Variants in TGS1 observed in about 807,000 individuals in gnomAD.
TGS1 encodes the protein trimethylguanosine synthase 1, also known as trimethylguanosine synthase.
In TGS1, 69 loss-of-function variants were observed where a neutral mutation model predicts 92.2. The observed-to-expected ratio is 0.75, with a 90% CI of 0.62 to 0.91. The LOEUF (loss-of-function observed/expected upper bound fraction) is 0.91. Ranked by LOEUF, TGS1 falls within the 40% of genes least tolerant of loss-of-function variation. The probability of loss-of-function intolerance (pLI) is 0.00; values close to 1 mark genes in which losing one functional copy is unlikely to be tolerated. For missense variants in TGS1, 1,062 were observed against 1,001.2 expected, an observed-to-expected ratio of 1.06 and a Z score of -0.82; for synonymous variants, 345 against 338.1, an observed-to-expected ratio of 1.02 and a Z score of -0.22.
chr8:55,774,885 G>A (rs1811342687), intron 1 of TGS1, among the ~76,000 whole-genome samples: 1 of 152,206 alleles, frequency 6.6e-6, no homozygotes, highest in Admixed American at 6.5e-5. Context: ...TTCAGTGGGA[G>A]AAAGCGTTCT....
intron 10 of TGS1, among the ~76,000 whole-genome samples, chr8:55,806,795 CA>C (rs1812384780): frequency 6.6e-6 from 1 of 152,108 alleles, no homozygotes; most frequent in Non-Finnish European, 1.5e-5. Flanking sequence ...AACTTGAAGC[CA>C]AGGTCATAGT....
intron 1 of TGS1, among the ~76,000 whole-genome samples, chr8:55,776,277 C>CT (rs71256565): frequency 0.018 from 2,154 of 120,490 alleles, 47 homozygotes; most frequent in East Asian, 0.033. Flanking sequence ...TTCACGGTGT[C>CT]TTTTTTTTTT....
At chr8:55,813,455 C>A (rs1459827513) in intron 12 of TGS1, among the ~76,000 whole-genome samples, 2 of 151,542 alleles carry the variant, frequency 1.3e-5, no homozygotes, top group African/African-American at 4.8e-5. Context: ...GAGACTGTCT[C>A]AAAAAAAATA....
At chr8:55,775,655 T>G (rs1811376231) in intron 1 of TGS1, among the ~76,000 whole-genome samples, 1 of 152,116 alleles carries the variant, frequency 6.6e-6, no homozygotes, top group Non-Finnish European at 1.5e-5. Flanking sequence ...TTTTATACAT[T>G]TTGATTTGGG....
intron 1 of TGS1, among the ~76,000 whole-genome samples, chr8:55,780,160 C>CTTTTT (rs56871302): frequency 7.6e-5 from 10 of 130,936 alleles, no homozygotes; most frequent in Non-Finnish European, 9.7e-5. Context: ...TCTGGCATGG[C>CTTTTT]TTTTTTTTTT....
intron 12 of TGS1, among the ~76,000 whole-genome samples, chr8:55,817,512 A>G (rs1285882995): frequency 6.6e-6 from 1 of 152,236 alleles, no homozygotes; most frequent in Non-Finnish European, 1.5e-5. Flanking sequence ...GCTAAATACA[A>G]TAAAAATTTA....
At chr8:55,820,386 A>G (rs1272322492) in intron 12 of TGS1, among the ~76,000 whole-genome samples, 2 of 152,218 alleles carry the variant, frequency 1.3e-5, no homozygotes, top group Non-Finnish European at 2.9e-5. Context: ...TGTCTCTACT[A>G]AAAATACAGA....
chr8:55,798,219 C>T (rs10091188), intron 7 of TGS1, among the ~76,000 whole-genome samples: 20,804 of 152,090 alleles, frequency 0.14, 1,562 homozygotes, highest in African/African-American at 0.2. Context: ...ATCATGTCTA[C>T]CACTTCATTC....
chr8:55,818,929 T>C (rs941161401), intron 12 of TGS1, among the ~76,000 whole-genome samples: 4 of 152,120 alleles, frequency 2.6e-5, no homozygotes, highest in Non-Finnish European at 4.4e-5. Context: ...GAACTGGTTG[T>C]TTTTGGGTTT....
chr8:55,786,331 GA>G lies in TGS1; in HGVS notation c.435del (p.Glu145AspfsTer48). The G allele has an allele frequency of 4.4e-6, 7 of 1,608,170 alleles. No homozygotes were observed. The highest frequency in any genetic ancestry group is 5.9e-6 in the Non-Finnish European group (7 of 1,176,530). On this transcript the variant is annotated frameshift_variant, in exon 4 of 13. Coordinates refer to ENST00000260129, the MANE Select transcript of TGS1 (RefSeq NM_024831.8). LOFTEE classifies it high-confidence loss of function. The part of the protein sequence containing the change: ...DEIVQESWRK[E>X]YEEDDILASD... ...AATTGTGCAAGAATCTTGGAGAAAAGAATATGAAGAAGACGACATTTTGGCT... is the reference window on the plus strand; with the variant it reads ...AATTGTGCAAGAATCTTGGAGAAAAGATATGAAGAAGACGACATTTTGGCT...
At chr8:55,797,754 T>A (rs183863352) in intron 7 of TGS1, among the ~76,000 whole-genome samples, 22 of 152,320 alleles carry the variant, frequency 1.4e-4, no homozygotes, top group Non-Finnish European at 2.6e-4. Flanking sequence ...CAATCACATC[T>A]CCAGCAGCTC....
intron 11 of TGS1, among the ~76,000 whole-genome samples, chr8:55,811,862 T>C (rs571377376): frequency 2.0e-5 from 3 of 152,258 alleles, no homozygotes; most frequent in African/African-American, 7.2e-5. Flanking sequence ...TATGTAAAAA[T>C]TATGTGGGGA....
chr8:55,799,103 TC>T lies in TGS1; in HGVS notation c.1733del (p.Ser578Ter). On this transcript the variant is annotated frameshift_variant, in exon 8 of 13. Transcript: ENST00000260129. LOFTEE classifies it high-confidence loss of function. ...ACCTGAAAAGTGTCAGAGCGTATCT[TC>T]AGCTGGTGAACTTGAAACAGAAAAC... ...PEPEKCQSVS[S>X]AGELETENYE... 6.2e-7 allele frequency: 1 copy of T among 1,614,164 alleles called. No homozygotes were observed. Among genetic ancestry groups the T allele is most frequent in the South Asian group, 1.1e-5 (1 of 91,088 alleles).
At chr8:55,797,017 G>A (rs1335894346) in intron 7 of TGS1, among the ~76,000 whole-genome samples, 1 of 151,992 alleles carries the variant, frequency 6.6e-6, no homozygotes, top group South Asian at 2.1e-4. Flanking sequence ...TGCCTATGTA[G>A]TAACAGACAA....
chr8:55,810,360 C>T (rs1025977017), intron 10 of TGS1, among the ~76,000 whole-genome samples: 2 of 152,200 alleles, frequency 1.3e-5, no homozygotes, highest in Non-Finnish European at 2.9e-5. Context: ...TAAACATTAT[C>T]GGCAGGTGTT....
intron 4 of TGS1, among the ~76,000 whole-genome samples, chr8:55,788,396 G>A (rs1297748293): frequency 6.6e-6 from 1 of 151,614 alleles, no homozygotes; most frequent in Admixed American, 6.6e-5. Flanking sequence ...TCTTATAAGT[G>A]GAGCCTACCT....
At chr8:55,822,709 T>TG (rs200634598) in intron 12 of TGS1, among the ~76,000 whole-genome samples, 1,605 of 151,458 alleles carry the variant, frequency 0.011, 25 homozygotes, top group East Asian at 0.069. Context: ...AAAAAAATAG[T>TG]GGGGGGGGTG....
chr8:55,778,534 T>A (rs1165679052), intron 1 of TGS1, among the ~76,000 whole-genome samples: 2 of 152,254 alleles, frequency 1.3e-5, no homozygotes, highest in East Asian at 3.8e-4. Flanking sequence ...CATACTCATG[T>A]GACAGTGTCT....
intron 11 of TGS1, among the ~76,000 whole-genome samples, chr8:55,811,410 T>C (rs1359629474): frequency 1.3e-5 from 2 of 152,038 alleles, no homozygotes; most frequent in East Asian, 3.9e-4. Context: ...TGCAGTGATC[T>C]GAGATCGCGC....
Sources: allele counts gnomAD v4.1 joint callset (sites outside exome capture counted in the v4.1 genomes callset), GRCh38; gene constraint gnomAD v4.1.1; transcripts MANE v1.5; gene names NCBI Gene and HGNC (gene_info 2026-07-23, HGNC 2026-07-21).